The following ANKRD30BL variants were observed in gnomAD, a reference collection of about 807,000 sequenced individuals.
ANKRD30BL encodes the protein ankyrin repeat domain 30B like, also known as putative ankyrin repeat domain-containing protein 30B-like.
Under a neutral mutation model 18.4 loss-of-function variants are expected in ANKRD30BL, and 20 were observed. That is an observed-to-expected ratio of 1.09 (90% CI 0.77 to 1.58). The LOEUF (loss-of-function observed/expected upper bound fraction) is 1.58, where lower values mean the gene tolerates loss of function less well. ANKRD30BL is among the 40% of genes most tolerant of loss of function. ANKRD30BL has a pLI of 0.00. For missense variants in ANKRD30BL, 224 were observed against 268.6 expected (o/e 0.83, Z 1.16); for synonymous variants, 72 against 100.9 (o/e 0.71, Z 1.72).
chr2:132,245,719 C>CT lies in ANKRD30BL; in HGVS notation n.441+11809dup, dbSNP rs199682602. On this transcript the variant is annotated intron_variant and non_coding_transcript_variant, in intron 1 of 4. Transcript: ENST00000470729. ...TTTAATAGAGCAGTTTTGAAACACT[C>CT]TTTTTTTGTAGAATCTGCAAGTGGA... Among the ~76,000 whole-genome samples, 9 of 152,056 alleles carry CT rather than the reference C, an allele frequency of 5.9e-5. No homozygotes were observed. In the South Asian group the frequency reaches 1.2e-3, roughly 21 times the overall value.
At chr2:132,161,435 C>T in intron 1 of ANKRD30BL, 53 bp downstream of exon 1, 1 of 1,401,522 alleles carries the variant, frequency 7.1e-7, no homozygotes, top group Non-Finnish European at 9.8e-7. Flanking sequence ...AGGGGCGATC[C>T]TCCCACAGCC....
In ANKRD30BL at chr2:132,198,603, A is replaced by G. The variant is rs181527181; in HGVS notation, n.442-41457T>C. On this transcript the variant is annotated intron_variant and non_coding_transcript_variant, in intron 1 of 4. Transcript: ENST00000470729. The stretch of plus-strand genomic sequence containing the variant: ...CTCCCAAAGTGCTGGGATCACAGGC[A>G]TGAGCCACAGCGCCCAGCCTTTTTT... Among the ~76,000 whole-genome samples the G allele has an allele frequency of 8.7e-5, 13 of 149,350 alleles. No individual in the cohort carries two copies. The East Asian group carries it at 1.4e-3, about 16-fold the overall frequency.
rs1310464822 is a variant in ANKRD30BL at position 132,158,832 on chromosome 2, A to G, written c.219-1409T>C. On this transcript the variant is annotated intron_variant, in intron 1 of 5. Coordinates refer to ENST00000409867, the MANE Select transcript of ANKRD30BL (RefSeq NM_001358416.1). Reference sequence around the variant, plus strand: ...AAAATATGTGTCTAATAAGATGTATATGTAAATCAACAAGCACAGGTAAAA... The same window carrying G: ...AAAATATGTGTCTAATAAGATGTATGTGTAAATCAACAAGCACAGGTAAAA... Among the ~76,000 whole-genome samples the G allele has an allele frequency of 5.9e-5, 9 of 151,372 alleles. No individual in the cohort carries two copies. The East Asian group carries it at 1.7e-3, about 29-fold the overall frequency.
chr2:132,204,600 G>C (rs1270850243), intron 1 of ANKRD30BL, among the ~76,000 whole-genome samples: 1 of 151,992 alleles, frequency 6.6e-6, no homozygotes, highest in Non-Finnish European at 1.5e-5. Context: ...AGCAGTACAG[G>C]CATGATGTGA....
At chr2:132,176,737 G>A (rs1341612476) in intron 1 of ANKRD30BL, among the ~76,000 whole-genome samples, 2 of 152,214 alleles carry the variant, frequency 1.3e-5, no homozygotes. Flanking sequence ...GTTGCAGTGA[G>A]TCAAGATGGC....
At chr2:132,219,221 T>A (rs1232206057) in intron 1 of ANKRD30BL, among the ~76,000 whole-genome samples, 3 of 151,882 alleles carry the variant, frequency 2.0e-5, no homozygotes, top group Admixed American at 6.6e-5. Context: ...TTGGACATAC[T>A]GTATCATAGA....
At chr2:132,252,035 G>T (rs1680661802) in intron 1 of ANKRD30BL, among the ~76,000 whole-genome samples, 1 of 152,206 alleles carries the variant, frequency 6.6e-6, no homozygotes. Context: ...TTCCAGGAAT[G>T]CATCATTTCT....
At chr2:132,217,100 A>G (rs1240744422) in intron 1 of ANKRD30BL, among the ~76,000 whole-genome samples, 4 of 151,908 alleles carry the variant, frequency 2.6e-5, no homozygotes, top group African/African-American at 7.3e-5. Context: ...TCTTCACATA[A>G]AAACTAGACA....
chr2:132,211,991 G>C (rs1483639865), intron 1 of ANKRD30BL, among the ~76,000 whole-genome samples: 2 of 151,586 alleles, frequency 1.3e-5, no homozygotes, highest in East Asian at 3.9e-4. Flanking sequence ...ACATGCTTTA[G>C]ATTGAGCAGT....
At chr2:132,233,490 G>A (rs1680075568) in intron 1 of ANKRD30BL, among the ~76,000 whole-genome samples, 1 of 139,514 alleles carries the variant, frequency 7.2e-6, no homozygotes, top group South Asian at 2.5e-4. Flanking sequence ...GATGGAGGAA[G>A]ATCTACCAAG....
intron 1 of ANKRD30BL, among the ~76,000 whole-genome samples, chr2:132,247,229 T>C (rs1573892005): frequency 6.6e-6 from 1 of 151,988 alleles, no homozygotes; most frequent in African/African-American, 2.4e-5. Flanking sequence ...GAACATTCCC[T>C]TTCATGGAGC....
chr2:132,238,890 C>T (rs532535975), intron 1 of ANKRD30BL, among the ~76,000 whole-genome samples: 1 of 152,180 alleles, frequency 6.6e-6, no homozygotes, highest in South Asian at 2.1e-4. Context: ...TTTTGAAACA[C>T]TCTTTTTGTA....
At chr2:132,221,352 C>T (rs1165725322) in intron 1 of ANKRD30BL, among the ~76,000 whole-genome samples, 8 of 144,668 alleles carry the variant, frequency 5.5e-5, no homozygotes, top group Admixed American at 6.7e-5. Context: ...GCCAGCCGCC[C>T]AGTCCGGGAG....
chr2:132,220,382 G>C lies in ANKRD30BL; in HGVS notation n.441+37147C>G, dbSNP rs976746215. Among the ~76,000 whole-genome samples, 4 of 122,792 alleles carry C rather than the reference G, an allele frequency of 3.3e-5. No individual in the cohort carries two copies. In the South Asian group the frequency reaches 1.1e-3, roughly 35 times the overall value. The allele number at this position is 122,792 out of a possible 152,430, so 80.6% of individuals were successfully genotyped here. ...TCCCTCTCCCTCTCCCTCTCCCCAC[G>C]GTCTCCTTCCACGGTCTCCCTCTGA... On this transcript the variant is annotated intron_variant and non_coding_transcript_variant, in intron 1 of 4. Coordinates refer to the ANKRD30BL transcript ENST00000470729.
intron 1 of ANKRD30BL, among the ~76,000 whole-genome samples, chr2:132,223,152 G>C (rs1679741671): frequency 6.6e-6 from 1 of 152,068 alleles, no homozygotes; most frequent in Non-Finnish European, 1.5e-5. Context: ...TAACTTCTTT[G>C]CGATGTGTAC....
At chr2:132,192,863 C>G (rs1046730660) in intron 1 of ANKRD30BL, among the ~76,000 whole-genome samples, 3 of 152,156 alleles carry the variant, frequency 2.0e-5, no homozygotes, top group Admixed American at 2.0e-4. Flanking sequence ...GAACAGTGGC[C>G]CTGGCCATCT....
chr2:132,233,873 C>A (rs1680083903), intron 1 of ANKRD30BL, among the ~76,000 whole-genome samples: 1 of 152,040 alleles, frequency 6.6e-6, no homozygotes, highest in Non-Finnish European at 1.5e-5. Context: ...CCCAAATCAA[C>A]AGAATATACA....
At chr2:132,166,486 C>T (rs1157678205), upstream of ANKRD30BL, among the ~76,000 whole-genome samples, 3 of 151,918 alleles carry the variant, frequency 2.0e-5, no homozygotes, top group South Asian at 2.1e-4. Context: ...TAGATATAAG[C>T]GTACTCATGT....
chr2:132,193,247 G>A (rs1009438397), intron 1 of ANKRD30BL, among the ~76,000 whole-genome samples: 2 of 152,202 alleles, frequency 1.3e-5, no homozygotes. Flanking sequence ...GGGCCCCACA[G>A]CCTGGACTTT....
Sources: allele counts gnomAD v4.1 joint callset (sites outside exome capture counted in the v4.1 genomes callset), GRCh38; gene constraint gnomAD v4.1.1; transcripts MANE v1.5; gene names NCBI Gene and HGNC (gene_info 2026-07-23, HGNC 2026-07-21).